SERINC5: variants seen among roughly 807,000 people sequenced by gnomAD.
SERINC5 encodes the protein serine incorporator 5.
Under a neutral mutation model 63.1 loss-of-function variants are expected in SERINC5, and 41 were observed. That is an observed-to-expected ratio of 0.65 (90% confidence interval 0.51 to 0.84). The LOEUF (loss-of-function observed/expected upper bound fraction) is 0.84. Ranked by LOEUF, SERINC5 falls within the 40% of genes least tolerant of loss-of-function variation. The probability of loss-of-function intolerance (pLI) is 0.00; values close to 1 mark genes in which losing one functional copy is unlikely to be tolerated. For synonymous variants in SERINC5, 222 were observed against 215.2 expected (o/e 1.03, Z -0.28); for missense variants, 523 against 573.0 (o/e 0.91, Z 0.89).
chr5:80,173,706 A>G (rs11959429), intron 5 of SERINC5, among the ~76,000 whole-genome samples: 36,152 of 151,884 alleles, frequency 0.24, 4,801 homozygotes, highest in African/African-American at 0.36. Flanking sequence ...TTTGGAACAT[A>G]GGAGGATCCA....
chr5:80,187,922 A>C (rs1748925349), intron 2 of SERINC5, among the ~76,000 whole-genome samples: 1 of 152,166 alleles, frequency 6.6e-6, no homozygotes, highest in Non-Finnish European at 1.5e-5. Context: ...CTATGGGAAG[A>C]AGGGCTCCTC....
chr5:80,215,968 C>G (rs368873995), intron 1 of SERINC5, among the ~76,000 whole-genome samples: 1 of 152,188 alleles, frequency 6.6e-6, no homozygotes, highest in African/African-American at 2.4e-5. Flanking sequence ...TGTTCTCAGA[C>G]AGCAGTGGGA....
chr5:80,194,443 T>C (rs1749379599), intron 2 of SERINC5, among the ~76,000 whole-genome samples: 1 of 152,220 alleles, frequency 6.6e-6, no homozygotes, highest in Non-Finnish European at 1.5e-5. Flanking sequence ...GTATTTTGGA[T>C]CAAAGCGGAA....
At position 80,140,931 on chromosome 5, in the gene SERINC5, T is replaced by G; in HGVS notation, c.*2732A>C. On this transcript the variant is annotated 3_prime_UTR_variant, in exon 12 of 12. Transcript: ENST00000507668. ...AAAAGGTGTAGGAAGCAAATGTCTA[T>G]TATTTTTAAAAGATATCAGTGAGTT... The G allele has an allele frequency of 3.0e-6, 3 of 985,388 alleles. No individual in the cohort carries two copies. Among genetic ancestry groups the G allele is most frequent in the South Asian group, 9.4e-5 (2 of 21,290 alleles). The allele number at this position is 985,388 out of a possible 1,614,324, so 61.0% of individuals were successfully genotyped here.
At chr5:80,196,784 TA>T (rs1339059541) in intron 2 of SERINC5, among the ~76,000 whole-genome samples, 1 of 150,890 alleles carries the variant, frequency 6.6e-6, no homozygotes, top group Non-Finnish European at 1.5e-5. Flanking sequence ...ACCAAAAATA[TA>T]AAAAATTAAC....
chr5:80,183,214 GA>G (rs748762228), intron 2 of SERINC5, among the ~76,000 whole-genome samples: 1 of 152,200 alleles, frequency 6.6e-6, no homozygotes, highest in Non-Finnish European at 1.5e-5. Flanking sequence ...GGAGAGCACA[GA>G]TGACAAGAAT....
At chr5:80,249,246 C>T (rs898646359) in intron 1 of SERINC5, among the ~76,000 whole-genome samples, 3 of 151,198 alleles carry the variant, frequency 2.0e-5, no homozygotes, top group Non-Finnish European at 2.9e-5. Flanking sequence ...ACCTGGGAGG[C>T]GGAGCTTGCA....
rs59080418 is a variant in SERINC5 at position 80,239,146 on chromosome 5, G to A, written c.27+16750C>T. Reference sequence around the variant, plus strand: ...CCTTCTAGCTCCAGAATTAGACTGTGACTTCCCAGATTCTCACAACCCCAT... The same window carrying A: ...CCTTCTAGCTCCAGAATTAGACTGTAACTTCCCAGATTCTCACAACCCCAT... On this transcript the variant is annotated intron_variant, in intron 1 of 11. Transcript: ENST00000507668. Among the ~76,000 whole-genome samples the A allele has an allele frequency of 7.1e-3, 1,084 of 152,296 alleles. 12 individuals are homozygous for A. Among genetic ancestry groups the A allele is most frequent in the African/African-American group, 0.025 (1,037 of 41,552 alleles).
chr5:80,160,918 ATATG>A (rs1175160317), intron 7 of SERINC5, among the ~76,000 whole-genome samples: 104 of 148,572 alleles, frequency 7.0e-4, no homozygotes, highest in African/African-American at 2.3e-3. Flanking sequence ...ATAGATATAT[ATATG>A]TGTGTGTGTG....
At chr5:80,157,816 C>T (rs1042530110) in intron 8 of SERINC5, 2 of 152,160 alleles carry the variant, frequency 1.3e-5, no homozygotes, top group Non-Finnish European at 2.9e-5. Context: ...ATCTTAACAC[C>T]TACCTGTAAA....
chr5:80,171,167 G>T (rs1747630197), intron 5 of SERINC5, among the ~76,000 whole-genome samples: 1 of 151,894 alleles, frequency 6.6e-6, no homozygotes, highest in African/African-American at 2.4e-5. Flanking sequence ...CCACCACCAT[G>T]CCGGGCTAAT....
chr5:80,123,171 T>C (rs759934376), intron 11 of SERINC5, among the ~76,000 whole-genome samples: 1 of 152,210 alleles, frequency 6.6e-6, no homozygotes, highest in African/African-American at 2.4e-5. Flanking sequence ...TCATAGCCCA[T>C]TGTAACCTCA....
At chr5:80,116,314 T>C (rs1160932124) in intron 11 of SERINC5, 3 of 456,226 alleles carry the variant, frequency 6.6e-6, no homozygotes, top group South Asian at 3.1e-5. Flanking sequence ...GTCTTCAGCA[T>C]TGATAGTTTC....
At chr5:80,191,007 G>C in intron 2 of SERINC5, among the ~76,000 whole-genome samples, 1 of 151,808 alleles carries the variant, frequency 6.6e-6, no homozygotes, top group East Asian at 1.9e-4. Flanking sequence ...CATTGTTTTT[G>C]ACTCCTGCAC....
Position 80,224,945 on chromosome 5 carries a change from GT to G in SERINC5, c.28-21893del, listed in dbSNP as rs368546307. On this transcript the variant is annotated intron_variant, in intron 1 of 11. Coordinates refer to ENST00000507668, the MANE Select transcript of SERINC5 (RefSeq NM_001174072.3). ...AGCGTTTTTTTTTTTGTTTTTTTTTGTTTTTTTTTTTTTTAGACAAGTTTTG... is the reference window on the plus strand; with the variant it reads ...AGCGTTTTTTTTTTTGTTTTTTTTTGTTTTTTTTTTTTTAGACAAGTTTTG... Among the ~76,000 whole-genome samples the G allele has an allele frequency of 6.3e-4, 83 of 132,686 alleles. 2 individuals carry two copies. Among genetic ancestry groups the G allele is most frequent in the East Asian group, 3.5e-3 (16 of 4,526 alleles). 87.0% of individuals were successfully genotyped at this position (132,686 alleles called of 152,430 possible). A position where few individuals can be genotyped will look rare whatever the true frequency, so the allele number is the denominator to read the frequency against.
intron 11 of SERINC5, among the ~76,000 whole-genome samples, chr5:80,128,576 C>A (rs529737660): frequency 6.6e-6 from 1 of 152,144 alleles, no homozygotes; most frequent in South Asian, 2.1e-4. Flanking sequence ...AAAGAGGAGG[C>A]AGGAAAGGGA....
chr5:80,194,857 A>T (rs1749405711), intron 2 of SERINC5, among the ~76,000 whole-genome samples: 1 of 152,218 alleles, frequency 6.6e-6, no homozygotes, highest in African/African-American at 2.4e-5. Flanking sequence ...GGCGACCAGC[A>T]GCCCTGGGTT....
At position 80,166,447 on chromosome 5, in the gene SERINC5, C is replaced by T. The variant is rs1484697063; in HGVS notation, c.795G>A (p.Gly265=). The T allele has an allele frequency of 6.3e-7, 1 of 1,595,478 alleles. No homozygotes were observed. Among genetic ancestry groups the T allele is most frequent in the Non-Finnish European group, 8.5e-7 (1 of 1,170,888 alleles). ...RQPHSGLLQS[G]VISCYVTYLT... is the part of the protein sequence containing the mutation. ...GGTAGGTGACATAGCAGCTTATGAC[C>T]CCTGATTGTAAGAGCCCCGAGTGTG... Residue 265 remains glycine (G), a synonymous_variant, in exon 7 of 12, where the codon GGG becomes GGA. Coordinates refer to ENST00000507668, the MANE Select transcript of SERINC5 (RefSeq NM_001174072.3).
intron 1 of SERINC5, among the ~76,000 whole-genome samples, chr5:80,240,714 G>A (rs914536552): frequency 3.3e-5 from 5 of 152,178 alleles, no homozygotes; most frequent in Non-Finnish European, 7.3e-5. Flanking sequence ...GCCCAGGCTG[G>A]AGTGCAATGG....
Sources: gnomAD v4.1 joint callset for allele counts (sites outside exome capture counted in the v4.1 genomes callset) on GRCh38, gnomAD v4.1.1 for gene constraint, MANE v1.5 for transcripts, NCBI Gene and HGNC (gene_info 2026-07-23, HGNC 2026-07-21) for gene names.